AHI1: variants seen among roughly 807,000 people sequenced by gnomAD.
AHI1 encodes the protein Abelson helper integration site 1, also known as jouberin.
AHI1 carries 123 observed loss-of-function variants against 149.3 expected under a neutral mutation model. That is an observed-to-expected ratio of 0.82 (90% CI 0.71 to 0.96). The LOEUF (loss-of-function observed/expected upper bound fraction) is 0.96, where lower values mean the gene tolerates loss of function less well. AHI1 is among the 40% of genes least tolerant of loss of function. AHI1 has a pLI of 0.00. For missense variants in AHI1, 1,439 were observed against 1,422.7 expected (o/e 1.01, Z -0.18); for synonymous variants, 475 against 459.8 (o/e 1.03, Z -0.42).
intron 24 of AHI1, among the ~76,000 whole-genome samples, chr6:135,332,878 C>A (rs1038091394): frequency 1.3e-5 from 2 of 152,226 alleles, no homozygotes; most frequent in African/African-American, 4.8e-5. Flanking sequence ...TTGCTCAGCT[C>A]ACTGGAACAT....
At chr6:135,387,162 C>A (rs368332388) in intron 23 of AHI1, among the ~76,000 whole-genome samples, 19 of 152,220 alleles carry the variant, frequency 1.2e-4, no homozygotes, top group African/African-American at 4.6e-4. Flanking sequence ...GGATTACAGG[C>A]ATGAGACACA....
chr6:135,327,194 C>A (rs114859880), intron 24 of AHI1, among the ~76,000 whole-genome samples: 2 of 152,198 alleles, frequency 1.3e-5, no homozygotes, highest in Non-Finnish European at 2.9e-5. Context: ...CAGGCTAGTA[C>A]ACTTTTAAAC....
At chr6:135,381,946 A>G (rs1043670677) in intron 23 of AHI1, among the ~76,000 whole-genome samples, 2 of 152,230 alleles carry the variant, frequency 1.3e-5, no homozygotes, top group African/African-American at 4.8e-5. Context: ...AAATGTTTTT[A>G]TTTTTTAAAC....
intron 16 of AHI1, 74 bp downstream of exon 16, chr6:135,432,953 A>C: frequency 5.3e-6 from 6 of 1,135,636 alleles, no homozygotes; most frequent in Non-Finnish European, 7.9e-6. Context: ...AACCCTCTCA[A>C]GCCTAAATAA....
rs534847584 is a variant in AHI1, at chr6:135,455,702, G to A, written c.1344+32C>T. 3.3e-5 allele frequency: 46 copies of A among 1,398,076 alleles called. No individual in the cohort carries two copies. In the East Asian group the frequency reaches 5.7e-4, roughly 17 times the overall value. 86.6% of individuals were successfully genotyped at this position (1,398,076 alleles called of 1,614,324 possible). A position where few individuals can be genotyped will look rare whatever the true frequency, so the allele number is the denominator to read the frequency against. On this transcript the variant is annotated intron_variant, in intron 10 of 28. Transcript: ENST00000265602. ...TTTGTGCTATTAAATATTAACTATC[G>A]TTTAATTTGAATTGGTCCATTCAAT...
intron 24 of AHI1, among the ~76,000 whole-genome samples, chr6:135,353,535 T>G (rs1379555858): frequency 6.6e-6 from 1 of 152,108 alleles, no homozygotes; most frequent in Non-Finnish European, 1.5e-5. Flanking sequence ...CAGCCATATT[T>G]TACATGAATA....
At chr6:135,354,005 G>T (rs1294320098) in intron 24 of AHI1, among the ~76,000 whole-genome samples, 1 of 152,052 alleles carries the variant, frequency 6.6e-6, no homozygotes, top group African/African-American at 2.4e-5. Context: ...AATAATTAAA[G>T]GAATACTTAA....
chr6:135,453,394 C>G lies in AHI1; in HGVS notation c.1387G>C (p.Glu463Gln), dbSNP rs1256758399. 1 of 1,561,030 alleles carries G rather than the reference C, an allele frequency of 6.4e-7. No individual in the cohort carries two copies. The highest frequency in any genetic ancestry group is 8.7e-7 in the Non-Finnish European group (1 of 1,151,260). Residue 463 changes from glutamate (E) to glutamine (Q), a missense_variant, in exon 11 of 29, where the codon GAG (glutamate) becomes CAG (glutamine). Transcript: ENST00000265602. ...AAGCCACATTCTTGGTTTTGAACCTCAGAATTATTCTTAATTTCATCCACG... is the reference window on the plus strand; with the variant it reads ...AAGCCACATTCTTGGTTTTGAACCTGAGAATTATTCTTAATTTCATCCACG... ...LSVDEIKNNS[E>Q]VQNQECGFRK...
intron 14 of AHI1, among the ~76,000 whole-genome samples, chr6:135,440,032 G>A (rs1314704929): frequency 6.6e-6 from 1 of 152,140 alleles, no homozygotes; most frequent in Admixed American, 6.5e-5. Context: ...GGCTGAATTT[G>A]GTAAGAACAT....
At chr6:135,364,350 C>A (rs980084106) in intron 23 of AHI1, among the ~76,000 whole-genome samples, 1 of 150,752 alleles carries the variant, frequency 6.6e-6, no homozygotes, top group African/African-American at 2.5e-5. Flanking sequence ...CGGGAAGAGG[C>A]GCTCCTCACT....
chr6:135,341,470 A>G (rs1790359267), intron 24 of AHI1, among the ~76,000 whole-genome samples: 1 of 152,056 alleles, frequency 6.6e-6, no homozygotes, highest in Non-Finnish European at 1.5e-5. Flanking sequence ...AAAATAGAAG[A>G]TTTAATCAAT....
intron 16 of AHI1, among the ~76,000 whole-genome samples, chr6:135,431,596 A>G (rs1784669120): frequency 6.6e-6 from 1 of 152,130 alleles, no homozygotes; most frequent in African/African-American, 2.4e-5. Context: ...CTCTCAGTAC[A>G]TGTGTATATG....
chr6:135,441,378 G>T (rs796589173), intron 14 of AHI1, among the ~76,000 whole-genome samples: 3 of 54,074 alleles, frequency 5.5e-5, no homozygotes, highest in African/African-American at 9.3e-5. Flanking sequence ...GGGACTCCCA[G>T]AAGAAGAAAG....
chr6:135,387,215 A>G (rs1306756570), intron 23 of AHI1, among the ~76,000 whole-genome samples: 1 of 152,146 alleles, frequency 6.6e-6, no homozygotes, highest in African/African-American at 2.4e-5. Flanking sequence ...GAAAAACTAC[A>G]GGTTGCAAAA....
intron 26 of AHI1, chr6:135,302,267 A>T (rs1783972174): frequency 1.0e-6 from 1 of 985,384 alleles, no homozygotes; most frequent in Admixed American, 6.1e-5. Context: ...CAAAAAACTC[A>T]ACATTAAGGG....
At chr6:135,471,038 T>C (rs1038898564) in intron 5 of AHI1, among the ~76,000 whole-genome samples, 3 of 152,206 alleles carry the variant, frequency 2.0e-5, no homozygotes, top group Non-Finnish European at 4.4e-5. Context: ...TATGCAAATT[T>C]TTGTTTCTAC....
At chr6:135,481,574 A>G (rs1457392292) in intron 5 of AHI1, among the ~76,000 whole-genome samples, 2 of 151,948 alleles carry the variant, frequency 1.3e-5, no homozygotes, top group African/African-American at 4.8e-5. Context: ...AAAAAAACCT[A>G]ATTATTCTTG....
chr6:135,315,955 G>A (rs1210510977), intron 26 of AHI1, among the ~76,000 whole-genome samples: 3 of 152,170 alleles, frequency 2.0e-5, no homozygotes, highest in Non-Finnish European at 4.4e-5. Flanking sequence ...TTTGGCCAGA[G>A]AATTCTTTGT....
intron 14 of AHI1, among the ~76,000 whole-genome samples, chr6:135,442,166 A>G (rs1786397641): frequency 6.6e-6 from 1 of 152,036 alleles, no homozygotes. Context: ...TCATCTAGGT[A>G]CTCTTGAGTC....
Sources: gnomAD v4.1 joint callset for allele counts (sites outside exome capture counted in the v4.1 genomes callset) on GRCh38, gnomAD v4.1.1 for gene constraint, MANE v1.5 for transcripts, NCBI Gene and HGNC (gene_info 2026-07-23, HGNC 2026-07-21) for gene names.